CDKAL1: variants seen among roughly 807,000 people sequenced by gnomAD.
CDKAL1 encodes threonylcarbamoyladenosine tRNA methylthiotransferase.
A neutral mutation model predicts 68.2 loss-of-function variants in CDKAL1; 32 were observed. That is an observed-to-expected ratio of 0.47 (90% CI 0.35 to 0.63). The LOEUF (loss-of-function observed/expected upper bound fraction) is 0.63, where lower values mean the gene tolerates loss of function less well. Among genes scored for constraint, CDKAL1 ranks in the 30% least tolerant of loss-of-function variants. The probability of loss-of-function intolerance (pLI) is 0.00; values close to 1 mark genes in which losing one functional copy is unlikely to be tolerated. For missense variants in CDKAL1, 606 were observed against 696.7 expected (o/e 0.87, Z 1.47); for synonymous variants, 234 against 244.3 (o/e 0.96, Z 0.39).
chr6:20,981,699 G>C (rs1412321741), intron 10 of CDKAL1, among the ~76,000 whole-genome samples: 1 of 152,174 alleles, frequency 6.6e-6, no homozygotes, highest in Non-Finnish European at 1.5e-5. Flanking sequence ...GAATTAGCTG[G>C]GCGTGGTGGC....
chr6:21,200,016 A>G (rs572317931), intron 14 of CDKAL1, among the ~76,000 whole-genome samples: 74 of 152,352 alleles, frequency 4.9e-4, no homozygotes, highest in African/African-American at 1.7e-3. Context: ...AAGATTTTCT[A>G]GGAATTATTT....
At chr6:20,808,125 A>G (rs1054761973) in intron 8 of CDKAL1, among the ~76,000 whole-genome samples, 1 of 152,238 alleles carries the variant, frequency 6.6e-6, no homozygotes, top group Non-Finnish European at 1.5e-5. Flanking sequence ...AAATCTCTTC[A>G]TATGTCAATA....
intron 9 of CDKAL1, among the ~76,000 whole-genome samples, chr6:20,939,632 C>T (rs1310465325): frequency 6.6e-6 from 1 of 152,104 alleles, no homozygotes; most frequent in Non-Finnish European, 1.5e-5. Context: ...ACTCTATTTT[C>T]TTTTTAAATC....
At chr6:20,572,468 A>G (rs7759094) in intron 4 of CDKAL1, among the ~76,000 whole-genome samples, 1 of 152,208 alleles carries the variant, frequency 6.6e-6, no homozygotes, top group African/African-American at 2.4e-5. Flanking sequence ...TCATTTTGAC[A>G]TGCACATAGT....
At chr6:21,030,999 C>T (rs1480433757) in intron 11 of CDKAL1, among the ~76,000 whole-genome samples, 5 of 152,038 alleles carry the variant, frequency 3.3e-5, no homozygotes, top group Non-Finnish European at 5.9e-5. Context: ...CTTAAAGTAA[C>T]ACAAATATAT....
chr6:21,106,596 A>G (rs1041464201), intron 12 of CDKAL1, among the ~76,000 whole-genome samples: 9 of 152,222 alleles, frequency 5.9e-5, no homozygotes, highest in African/African-American at 2.2e-4. Flanking sequence ...TAACAAGAGT[A>G]CAATTTAAAA....
chr6:20,555,703 A>G (rs1764012266), intron 4 of CDKAL1, among the ~76,000 whole-genome samples: 1 of 145,392 alleles, frequency 6.9e-6, no homozygotes, highest in Non-Finnish European at 1.5e-5. Flanking sequence ...GCTCGCTGCA[A>G]GCTCCGCCTT....
At chr6:20,717,617 T>C (rs964843977) in intron 5 of CDKAL1, among the ~76,000 whole-genome samples, 5 of 152,288 alleles carry the variant, frequency 3.3e-5, no homozygotes, top group African/African-American at 1.2e-4. Flanking sequence ...GAAGGCCTTA[T>C]TAGAGCAATA....
intron 4 of CDKAL1, among the ~76,000 whole-genome samples, chr6:20,632,954 C>T (rs996325531): frequency 3.1e-4 from 47 of 152,246 alleles, no homozygotes; most frequent in African/African-American, 1.1e-3. Context: ...TTGGTTAGGG[C>T]AGACAGGTGG....
Position 21,231,150 on chromosome 6 carries a change from T to C in CDKAL1, c.*111T>C, listed in dbSNP as rs576350447. On this transcript the variant is annotated 3_prime_UTR_variant, in exon 16 of 16. Coordinates refer to ENST00000274695, the MANE Select transcript of CDKAL1 (RefSeq NM_017774.3). ...CAAGGGCAATAATTTGTACTGGTCA[T>C]GCTGCCTCCTTCTCAGCCACTCTTC... The C allele has an allele frequency of 2.1e-5, 16 of 755,154 alleles. No individual in the cohort carries two copies. The African/African-American group carries it at 2.3e-4, about 11-fold the overall frequency. The allele number at this position is 755,154 out of a possible 1,614,324, so 46.8% of individuals were successfully genotyped here.
chr6:21,088,575 C>G (rs1772826449), intron 12 of CDKAL1, among the ~76,000 whole-genome samples: 1 of 152,154 alleles, frequency 6.6e-6, no homozygotes, highest in South Asian at 2.1e-4. Flanking sequence ...CTGTTGCTTT[C>G]ATTAATTAAT....
At chr6:20,682,607 A>G (rs1483372647) in intron 5 of CDKAL1, among the ~76,000 whole-genome samples, 1 of 152,152 alleles carries the variant, frequency 6.6e-6, no homozygotes, top group Non-Finnish European at 1.5e-5. Context: ...GTCTGCCCCC[A>G]TGATTCGATC....
chr6:20,549,215 G>A (rs1229167581), intron 4 of CDKAL1, among the ~76,000 whole-genome samples: 1 of 152,040 alleles, frequency 6.6e-6, no homozygotes, highest in Admixed American at 6.5e-5. Context: ...ACATTTCCTT[G>A]ATATTTCTGA....
At chr6:20,710,947 G>A (rs946418831) in intron 5 of CDKAL1, among the ~76,000 whole-genome samples, 1 of 152,100 alleles carries the variant, frequency 6.6e-6, no homozygotes, top group Non-Finnish European at 1.5e-5. Context: ...TTCAACCTCT[G>A]TAAGCCCTCA....
chr6:21,073,877 T>C (rs1258184912), intron 12 of CDKAL1, among the ~76,000 whole-genome samples: 1 of 152,184 alleles, frequency 6.6e-6, no homozygotes, highest in Non-Finnish European at 1.5e-5. Flanking sequence ...CACTTGGAAA[T>C]TTTTCAACTT....
At chr6:20,798,576 T>C (rs1776213354) in intron 8 of CDKAL1, among the ~76,000 whole-genome samples, 1 of 152,008 alleles carries the variant, frequency 6.6e-6, no homozygotes, top group African/African-American at 2.4e-5. Flanking sequence ...TGGAATACTA[T>C]GCAGCCATAA....
chr6:20,964,142 T>C (rs1765185664), intron 10 of CDKAL1, among the ~76,000 whole-genome samples: 1 of 152,076 alleles, frequency 6.6e-6, no homozygotes, highest in South Asian at 2.1e-4. Context: ...GGGCTATTAT[T>C]AAAAAGTCAA....
intron 9 of CDKAL1, among the ~76,000 whole-genome samples, chr6:20,939,627 A>G (rs1320044721): frequency 1.3e-5 from 2 of 152,126 alleles, no homozygotes; most frequent in African/African-American, 2.4e-5. Flanking sequence ...TAAGTACTCT[A>G]TTTTCTTTTT....
At chr6:20,771,632 C>G (rs9368232) in intron 7 of CDKAL1, among the ~76,000 whole-genome samples, 1 of 151,888 alleles carries the variant, frequency 6.6e-6, no homozygotes, top group Admixed American at 6.5e-5. Flanking sequence ...ATGTGATCCT[C>G]GCTGTTGGAA....
Sources: allele counts gnomAD v4.1 joint callset (sites outside exome capture counted in the v4.1 genomes callset), GRCh38; gene constraint gnomAD v4.1.1; transcripts MANE v1.5; gene names NCBI Gene and HGNC (gene_info 2026-07-23, HGNC 2026-07-21).